Variants in RBPJ observed in about 807,000 individuals in gnomAD.
RBPJ encodes recombination signal binding protein for immunoglobulin kappa J region, also known as recombining binding protein suppressor of hairless.
In RBPJ, 9 loss-of-function variants were observed where a neutral mutation model predicts 67.8. That is an observed-to-expected ratio of 0.13 (90% CI 0.08 to 0.23). The LOEUF (loss-of-function observed/expected upper bound fraction) is 0.23, where lower values mean the gene tolerates loss of function less well. Among genes scored for constraint, RBPJ ranks in the 10% least tolerant of loss-of-function variants. The probability of loss-of-function intolerance (pLI) is 1.00; values close to 1 mark genes in which losing one functional copy is unlikely to be tolerated. For missense variants in RBPJ, 305 were observed against 595.6 expected (o/e 0.51, Z 5.08); for synonymous variants, 198 against 203.3 (o/e 0.97, Z 0.22).
Position 26,424,765 on chromosome 4 carries a change from A to G in RBPJ, c.747+22A>G. On this transcript the variant is annotated intron_variant, in intron 7 of 10. Coordinates refer to ENST00000355476, the MANE Select transcript of RBPJ (RefSeq NM_015874.6). The surrounding 1 kb of genome is among the most constrained non-coding windows in gnomAD (Gnocchi z 5.3). ...ATTGGTATGGCTCTACTTTTGCTTT[A>G]GTGATAATGTGAAGTAAAAATTAAT... 2.9e-6 allele frequency: 4 copies of G among 1,369,330 alleles called. No individual in the cohort carries two copies. Among genetic ancestry groups the G allele is most frequent in the Non-Finnish European group, 3.1e-6 (3 of 973,132 alleles). The allele number at this position is 1,369,330 out of a possible 1,614,324, so 84.8% of individuals were successfully genotyped here. A position where few individuals can be genotyped will look rare whatever the true frequency, so the allele number is the denominator to read the frequency against.
chr4:26,116,286 C>G, the RBPJ span, among the ~76,000 whole-genome samples: 2 of 152,246 alleles, frequency 1.3e-5, no homozygotes, highest in Non-Finnish European at 2.9e-5. Flanking sequence ...GAAGACCTTT[C>G]TATCATTGCT....
chr4:26,258,491 C>T (rs1245312017), intron 1 of RBPJ, among the ~76,000 whole-genome samples: 2 of 152,206 alleles, frequency 1.3e-5, no homozygotes, highest in African/African-American at 4.8e-5. Context: ...TTTTCCACTC[C>T]CCATTCCCCT....
At chr4:26,371,619 A>C (rs1021468635) in intron 1 of RBPJ, among the ~76,000 whole-genome samples, 1 of 152,240 alleles carries the variant, frequency 6.6e-6, no homozygotes, top group South Asian at 2.1e-4. Context: ...TCTGAATTTG[A>C]GTGATCTCTA....
intron 1 of RBPJ, among the ~76,000 whole-genome samples, chr4:26,197,705 T>C (rs1291491265): frequency 6.6e-6 from 1 of 152,124 alleles, no homozygotes; most frequent in African/African-American, 2.4e-5. Context: ...GGCCCTGGCC[T>C]GAACTGTTCC....
chr4:26,213,477 A>C (rs1351456988), intron 1 of RBPJ, among the ~76,000 whole-genome samples: 1 of 152,190 alleles, frequency 6.6e-6, no homozygotes, highest in African/African-American at 2.4e-5. Context: ...CTAACAGAGG[A>C]CACAGTAGAT....
At chr4:26,121,529 A>G in the RBPJ span, among the ~76,000 whole-genome samples, 1 of 152,240 alleles carries the variant, frequency 6.6e-6, no homozygotes, top group Admixed American at 6.5e-5. Context: ...TCAAGTCTCC[A>G]TCATCTAACT....
intron 1 of RBPJ, among the ~76,000 whole-genome samples, chr4:26,177,940 C>T (rs867079843): frequency 1.1e-4 from 17 of 152,324 alleles, no homozygotes; most frequent in Middle Eastern, 3.4e-3. Flanking sequence ...TTTAACCTAA[C>T]AAATCATAAA....
intron 1 of RBPJ, among the ~76,000 whole-genome samples, chr4:26,267,227 CAG>C (rs1720732066): frequency 6.6e-6 from 1 of 152,086 alleles, no homozygotes; most frequent in African/African-American, 2.4e-5. Context: ...GTGTGTGCTC[CAG>C]AGTCTTAGAG....
intron 1 of RBPJ, among the ~76,000 whole-genome samples, chr4:26,196,010 GAA>G (rs1376214929): frequency 1.3e-5 from 2 of 152,098 alleles, no homozygotes; most frequent in Admixed American, 6.5e-5. Context: ...AGAGAAGAGA[GAA>G]AAGAGAGAGA....
At chr4:26,169,795 A>C (rs2109116277) in intron 1 of RBPJ, among the ~76,000 whole-genome samples, 1 of 152,178 alleles carries the variant, frequency 6.6e-6, no homozygotes, top group East Asian at 1.9e-4. Flanking sequence ...CCCCTCCCCC[A>C]GCCTCGCTGC....
chr4:26,184,206 A>AAAAG (rs1368937233), intron 1 of RBPJ, among the ~76,000 whole-genome samples: 27 of 151,560 alleles, frequency 1.8e-4, no homozygotes, highest in African/African-American at 6.1e-4. Context: ...AGAAAGAAAA[A>AAAAG]AAATGTATCC....
chr4:26,331,425 A>G (rs1409233809), intron 1 of RBPJ, among the ~76,000 whole-genome samples: 1 of 149,614 alleles, frequency 6.7e-6, no homozygotes, highest in Non-Finnish European at 1.5e-5. Context: ...TATTTATCTC[A>G]CTCAGCTGCC....
rs1720875279 is a variant in RBPJ at position 26,270,437 on chromosome 4, G to GAGA, written c.-166-92008_-166-92007insGAA. Among the ~76,000 whole-genome samples the GAGA allele has an allele frequency of 4.5e-3, 135 of 30,250 alleles. 8 individuals carry two copies. Among genetic ancestry groups the GAGA allele is most frequent in the African/African-American group, 9.1e-3 (131 of 14,388 alleles). 19.8% of individuals were successfully genotyped at this position (30,250 alleles called of 152,430 possible). ...AGAAAGAAAGAAAGAAAGAAAGAAA[G>GAGA]AAGAAAGAAAGAAAGAAAGAAAAGA... On this transcript the variant is annotated intron_variant, in intron 1 of 4. Coordinates refer to the RBPJ transcript ENST00000512351.
At chr4:26,379,174 G>GT (rs1185093185) in intron 1 of RBPJ, among the ~76,000 whole-genome samples, 1 of 151,922 alleles carries the variant, frequency 6.6e-6, no homozygotes, top group African/African-American at 2.4e-5. Flanking sequence ...TAGGATGTGG[G>GT]TTTTTTTGTT....
chr4:26,194,646 C>T (rs1186603531), intron 1 of RBPJ, among the ~76,000 whole-genome samples: 1 of 152,250 alleles, frequency 6.6e-6, no homozygotes, highest in African/African-American at 2.4e-5. Context: ...CACACTTCAC[C>T]TCTCCTCTGA....
intron 1 of RBPJ, among the ~76,000 whole-genome samples, chr4:26,205,894 A>T (rs1368655378): frequency 6.6e-6 from 1 of 152,124 alleles, no homozygotes; most frequent in African/African-American, 2.4e-5. Context: ...CACCCAGCCT[A>T]AAAAAATTTT....
intron 1 of RBPJ, among the ~76,000 whole-genome samples, chr4:26,241,052 C>T (rs1719618990): frequency 6.6e-6 from 1 of 151,994 alleles, no homozygotes; most frequent in South Asian, 2.1e-4. Context: ...AAAAAATTAG[C>T]CAGGCATGGT....
At chr4:26,221,628 AG>A (rs1180043308) in intron 1 of RBPJ, among the ~76,000 whole-genome samples, 1 of 152,190 alleles carries the variant, frequency 6.6e-6, no homozygotes, top group African/African-American at 2.4e-5. Flanking sequence ...AAGTGAGAGT[AG>A]GAGAGAAAGA....
chr4:26,210,763 CTTTCT>C (rs1718385225), intron 1 of RBPJ, among the ~76,000 whole-genome samples: 2 of 115,552 alleles, frequency 1.7e-5, no homozygotes, highest in African/African-American at 6.5e-5. Flanking sequence ...TTCTTTCTTT[CTTTCT>C]TTCTTTCTTT....
Sources: allele counts gnomAD v4.1 joint callset (sites outside exome capture counted in the v4.1 genomes callset), GRCh38; gene constraint gnomAD v4.1.1; non-coding constraint Gnocchi (gnomAD v3.1); transcripts MANE v1.5; gene names NCBI Gene and HGNC (gene_info 2026-07-23, HGNC 2026-07-21).